Variants in NRG1 observed in about 807,000 individuals in gnomAD.
NRG1 encodes neuregulin 1.
Under a neutral mutation model 63.8 loss-of-function variants are expected in NRG1, and 18 were observed. That is an observed-to-expected ratio of 0.28 (90% CI 0.19 to 0.42). The LOEUF is 0.42. Ranked by LOEUF, NRG1 falls within the 10% of genes least tolerant of loss-of-function variation. The probability of loss-of-function intolerance (pLI) is 1.00; values close to 1 mark genes in which losing one functional copy is unlikely to be tolerated. For missense variants in NRG1, 762 were observed against 814.7 expected (o/e 0.94, Z 0.79); for synonymous variants, 302 against 301.3 (o/e 1.00, Z -0.02).
intron 1 of NRG1, among the ~76,000 whole-genome samples, chr8:31,927,271 C>T (rs550324573): frequency 2.0e-5 from 3 of 152,168 alleles, no homozygotes; most frequent in African/African-American, 4.8e-5. Flanking sequence ...AGCCAGTCCA[C>T]AGACTGTCTT....
intron 1 of NRG1, among the ~76,000 whole-genome samples, chr8:32,421,917 T>C (rs536387862): frequency 3.7e-4 from 57 of 152,242 alleles, no homozygotes; most frequent in African/African-American, 1.4e-3. Context: ...TTCTCACTTA[T>C]AAATAGGAGC....
chr8:31,922,941 C>T (rs1834035044), intron 1 of NRG1, among the ~76,000 whole-genome samples: 1 of 152,070 alleles, frequency 6.6e-6, no homozygotes, highest in Non-Finnish European at 1.5e-5. Flanking sequence ...GGAAGCAAAA[C>T]ACACAGAATG....
intron 5 of NRG1, among the ~76,000 whole-genome samples, chr8:32,652,407 G>C (rs1256874222): frequency 6.6e-6 from 1 of 152,030 alleles, no homozygotes; most frequent in East Asian, 1.9e-4. Context: ...AGATTGCTCT[G>C]TGGCTCACTT....
intron 5 of NRG1, among the ~76,000 whole-genome samples, chr8:32,631,355 G>T (rs1850277592): frequency 6.6e-6 from 1 of 152,044 alleles, no homozygotes; most frequent in East Asian, 1.9e-4. Flanking sequence ...TTTAACATTT[G>T]TTATTACTTA....
At chr8:31,798,110 G>C (rs1271328403) in intron 1 of NRG1, among the ~76,000 whole-genome samples, 2 of 152,124 alleles carry the variant, frequency 1.3e-5, no homozygotes, top group Non-Finnish European at 2.9e-5. Flanking sequence ...CAGGGTTATA[G>C]CTGGGCAAGA....
chr8:32,708,292 G>A (rs772941891), intron 5 of NRG1, among the ~76,000 whole-genome samples: 3 of 152,134 alleles, frequency 2.0e-5, no homozygotes, highest in Non-Finnish European at 2.9e-5. Flanking sequence ...ATGGAATCAT[G>A]TTATTGAGTT....
At chr8:32,559,245 T>TAA (rs545838945) in intron 1 of NRG1, among the ~76,000 whole-genome samples, 6 of 96,764 alleles carry the variant, frequency 6.2e-5, no homozygotes, top group African/African-American at 1.1e-4. Context: ...CTCTAAAATG[T>TAA]AAAAAAAAAA....
At chr8:32,608,272 G>A (rs1047602245) in intron 3 of NRG1, among the ~76,000 whole-genome samples, 1 of 151,234 alleles carries the variant, frequency 6.6e-6, no homozygotes, top group African/African-American at 2.4e-5. Context: ...TCTGACTCCT[G>A]GACTGAAGGG....
At chr8:32,067,116 C>CA (rs1251284313) in intron 1 of NRG1, among the ~76,000 whole-genome samples, 1 of 152,126 alleles carries the variant, frequency 6.6e-6, no homozygotes, top group East Asian at 1.9e-4. Flanking sequence ...TCTAAATATA[C>CA]AATCATATCA....
At chr8:31,941,715 T>C (rs1245026208) in intron 1 of NRG1, among the ~76,000 whole-genome samples, 1 of 152,010 alleles carries the variant, frequency 6.6e-6, no homozygotes, top group Non-Finnish European at 1.5e-5. Flanking sequence ...AAAATTAATG[T>C]AAAAAATTAG....
chr8:31,885,073 G>T (rs752297928), intron 1 of NRG1, among the ~76,000 whole-genome samples: 2 of 152,068 alleles, frequency 1.3e-5, no homozygotes, highest in Non-Finnish European at 2.9e-5. Context: ...TTTCTTTCTA[G>T]AATGTGTTGT....
chr8:32,328,379 G>T (rs1802256161), intron 1 of NRG1, among the ~76,000 whole-genome samples: 1 of 151,138 alleles, frequency 6.6e-6, no homozygotes, highest in Non-Finnish European at 1.5e-5. Context: ...CATTTAAAAA[G>T]AATAATAGTA....
intron 1 of NRG1, among the ~76,000 whole-genome samples, chr8:32,027,432 CCTTCCTTCCTTCCTTCCTTCCTTCCT>C: frequency 6.6e-5 from 8 of 120,322 alleles, no homozygotes; most frequent in Non-Finnish European, 1.4e-4. Flanking sequence ...TTCCTTCCTT[CCTTCCTTCCTTCCTTCCTTCCTTCCT>C]TCCTTCCTTC....
At chr8:32,302,476 G>A (rs1240899679) in intron 1 of NRG1, among the ~76,000 whole-genome samples, 1 of 152,224 alleles carries the variant, frequency 6.6e-6, no homozygotes, top group East Asian at 1.9e-4. Flanking sequence ...TGCATGCAGA[G>A]AGTAGTCTGA....
chr8:32,543,040 T>C (rs1347201665), intron 1 of NRG1, among the ~76,000 whole-genome samples: 1 of 152,206 alleles, frequency 6.6e-6, no homozygotes, highest in African/African-American at 2.4e-5. Flanking sequence ...CTAGGCTTTT[T>C]ATCTTCATTC....
intron 1 of NRG1, among the ~76,000 whole-genome samples, chr8:32,164,048 C>T (rs918296459): frequency 6.6e-6 from 1 of 152,072 alleles, no homozygotes; most frequent in African/African-American, 2.4e-5. Flanking sequence ...CGTGAACATT[C>T]GATTCATTTC....
At chr8:32,490,989 A>G (rs777741353) in intron 1 of NRG1, among the ~76,000 whole-genome samples, 2 of 152,278 alleles carry the variant, frequency 1.3e-5, no homozygotes, top group East Asian at 3.9e-4. Flanking sequence ...AGAAGAATAC[A>G]TAGTATATTA....
chr8:32,156,727 C>T (rs1265358031), intron 1 of NRG1, among the ~76,000 whole-genome samples: 2 of 152,152 alleles, frequency 1.3e-5, no homozygotes, highest in Non-Finnish European at 2.9e-5. Context: ...TAAAAGTGTT[C>T]AAGGGCCCAG....
intron 1 of NRG1, among the ~76,000 whole-genome samples, chr8:31,983,928 C>CCA (rs1252872330): frequency 6.6e-6 from 1 of 152,010 alleles, no homozygotes; most frequent in Non-Finnish European, 1.5e-5. Flanking sequence ...ATGTCGAAGA[C>CCA]CAAAGGGGAA....
Sources: allele counts gnomAD v4.1 joint callset (sites outside exome capture counted in the v4.1 genomes callset), GRCh38; gene constraint gnomAD v4.1.1; transcripts MANE v1.5; gene names NCBI Gene and HGNC (gene_info 2026-07-23, HGNC 2026-07-21).